The following NNT variants were observed in gnomAD, a reference collection of about 807,000 sequenced individuals.
NNT encodes NAD(P) transhydrogenase, mitochondrial.
A neutral mutation model predicts 104.8 loss-of-function variants in NNT; 50 were observed. The ratio of observed to expected loss-of-function variants is 0.48; its 90% CI spans 0.38 to 0.60. The LOEUF is 0.60. Among genes scored for constraint, NNT ranks in the 20% least tolerant of loss-of-function variants. The probability of loss-of-function intolerance (pLI) is 0.00; values close to 1 mark genes in which losing one functional copy is unlikely to be tolerated. For missense variants in NNT, 1,131 were observed against 1,330.7 expected (o/e 0.85, Z 2.33); for synonymous variants, 461 against 490.4 (o/e 0.94, Z 0.79).
chr5:43,666,952 T>C, intron 17 of NNT: 1 of 1,589,352 alleles, frequency 6.3e-7, no homozygotes, highest in Non-Finnish European at 8.5e-7. Flanking sequence ...GGCAAGTGGA[T>C]CGAGCTTGCG....
intron 17 of NNT, chr5:43,667,013 C>G: frequency 6.3e-7 from 1 of 1,596,492 alleles, no homozygotes; most frequent in African/African-American, 1.3e-5. Context: ...TTTACGAGGG[C>G]CTTGATAGCC....
At chr5:43,623,474 C>G (rs973707845) in intron 5 of NNT, among the ~76,000 whole-genome samples, 2 of 152,130 alleles carry the variant, frequency 1.3e-5, no homozygotes, top group Non-Finnish European at 2.9e-5. Context: ...TTCAGACTTA[C>G]GGAGAGTTGC....
At chr5:43,613,330 T>C (rs1749602509) in intron 3 of NNT, 193 bp downstream of exon 3, 2 of 545,584 alleles carry the variant, frequency 3.7e-6, no homozygotes, top group South Asian at 2.6e-5. Flanking sequence ...ATATGATCTA[T>C]GTTTAACCAT....
intron 19 of NNT, among the ~76,000 whole-genome samples, chr5:43,694,738 TTGTGTGTGTGTG>T (rs61079918): frequency 0.013 from 1,794 of 137,894 alleles, 33 homozygotes; most frequent in African/African-American, 0.039. Flanking sequence ...GGCCTAAAGT[TTGTGTGTGTGTG>T]TGTGTGTGTG....
rs1426832212 is a variant in NNT, at chr5:43,666,927, G to A, written c.2634+7577G>A. On this transcript the variant is annotated intron_variant, in intron 17 of 21. Transcript: ENST00000344920. ...AGGCACAAACACGCTTCCCAAGCTT[G>A]GGGTGGGCAATGTAGGCAAGTGGAT... 7.0e-6 allele frequency: 11 copies of A among 1,581,270 alleles called. 1 individual carries two copies. Among genetic ancestry groups the A allele is most frequent in the Middle Eastern group, 2.3e-4 (1 of 4,422 alleles).
chr5:43,699,917 T>TA (rs1490249328), intron 19 of NNT, among the ~76,000 whole-genome samples: 1 of 152,228 alleles, frequency 6.6e-6, no homozygotes, highest in Non-Finnish European at 1.5e-5. Flanking sequence ...TTCTGCACAC[T>TA]AAAATACTGA....
At chr5:43,653,946 C>A (rs957656424) in intron 14 of NNT, among the ~76,000 whole-genome samples, 1 of 148,750 alleles carries the variant, frequency 6.7e-6, no homozygotes, top group Admixed American at 6.7e-5. Context: ...CAAAGCGAGA[C>A]TCTGTCTCAA....
At chr5:43,676,764 G>A (rs1448522262) in intron 18 of NNT, among the ~76,000 whole-genome samples, 1 of 152,122 alleles carries the variant, frequency 6.6e-6, no homozygotes. Context: ...GTAATGCAAG[G>A]TGGGTTATGA....
intron 10 of NNT, among the ~76,000 whole-genome samples, chr5:43,646,187 T>C (rs780072074): frequency 1.2e-4 from 18 of 152,178 alleles, no homozygotes; most frequent in South Asian, 2.1e-4. Context: ...CTGTGCTAAA[T>C]ACTGGAATGA....
chr5:43,649,716 C>A (rs912136391), intron 11 of NNT, among the ~76,000 whole-genome samples: 3 of 152,104 alleles, frequency 2.0e-5, no homozygotes, highest in African/African-American at 7.2e-5. Context: ...ACAATAGGCC[C>A]CATGTGGCAT....
intron 13 of NNT, among the ~76,000 whole-genome samples, 190 bp from the exon 14 acceptor site, chr5:43,652,828 G>C (rs917133352): frequency 4.6e-5 from 7 of 151,936 alleles, no homozygotes; most frequent in African/African-American, 7.3e-5. Flanking sequence ...TTTAAATTTA[G>C]GTACTTTTAT....
In NNT at chr5:43,615,940, C is replaced by T; in HGVS notation, c.474C>T (p.Ala158=). Residue 158 remains alanine, a synonymous_variant, in exon 4 of 22, where the codon GCC becomes GCT. Transcript: ENST00000344920. The part of the protein sequence containing the change: ...SGTLISFIYP[A]QNPELLNKLS... ...CGCTGATTAGTTTTATTTACCCAGC[C>T]CAAAATCCAGAGTTGCTAAATAAAC... 6.2e-7 allele frequency: 1 copy of T among 1,614,084 alleles called. No homozygotes were observed. Among genetic ancestry groups the T allele is most frequent in the Non-Finnish European group, 8.5e-7 (1 of 1,180,006 alleles).
At chr5:43,693,556 A>G (rs1445605070) in intron 19 of NNT, among the ~76,000 whole-genome samples, 3 of 152,244 alleles carry the variant, frequency 2.0e-5, no homozygotes, top group Non-Finnish European at 4.4e-5. Flanking sequence ...TATAGCTTGT[A>G]TTACTACATG....
At chr5:43,646,892 A>G (rs536633322) in intron 10 of NNT, among the ~76,000 whole-genome samples, 1 of 152,340 alleles carries the variant, frequency 6.6e-6, no homozygotes, top group Admixed American at 6.5e-5. Flanking sequence ...CATCTTTACA[A>G]AAACACTAAA....
intron 19 of NNT, among the ~76,000 whole-genome samples, chr5:43,699,630 A>G (rs1337756381): frequency 6.6e-6 from 1 of 152,310 alleles, no homozygotes; most frequent in East Asian, 1.9e-4. Context: ...CGGGGATTAC[A>G]GGCATTAGCC....
At chr5:43,652,017 G>A (rs1284116513) in intron 13 of NNT, 133 bp downstream of exon 13, 1 of 958,728 alleles carries the variant, frequency 1.0e-6, no homozygotes, top group East Asian at 2.6e-5. Context: ...AATAACCCTA[G>A]AAACATCTTG....
intron 5 of NNT, among the ~76,000 whole-genome samples, 167 bp downstream of exon 5, chr5:43,619,286 G>T (rs75722600): frequency 0.068 from 10,392 of 152,018 alleles, 619 homozygotes; most frequent in African/African-American, 0.16. Flanking sequence ...GTTTAAGATT[G>T]CTAGAAAAAA....
rs760868620 is a variant in NNT, at chr5:43,619,142, C to G, written c.687+23C>G. The G allele has an allele frequency of 7.2e-6, 10 of 1,383,888 alleles. 1 individual carries two copies. Among genetic ancestry groups the G allele is most frequent in the Non-Finnish European group, 7.9e-6 (8 of 1,013,750 alleles). The allele number at this position is 1,383,888 out of a possible 1,614,324, so 85.7% of individuals were successfully genotyped here. Reference sequence around the variant, plus strand: ...AAGGTAGGTACAACTTTTAATGTTTCTTTATAATATGCATTGATTAAAGGA... The same window carrying G: ...AAGGTAGGTACAACTTTTAATGTTTGTTTATAATATGCATTGATTAAAGGA... On this transcript the variant is annotated intron_variant, in intron 5 of 21. Coordinates refer to ENST00000344920, the MANE Select transcript of NNT (RefSeq NM_182977.3).
Position 43,655,873 on chromosome 5 carries a change from A to T in NNT, c.2093A>T (p.Asp698Val), listed in dbSNP as rs1266814869. ...LTIAKRIQIS[D>V]LPQLVAAFHS... Reference sequence around the variant, plus strand: ...ATTGCCAAACGCATCCAGATTTCTGATTTACCTCAATTAGTTGCTGCTTTT... The same window carrying T: ...ATTGCCAAACGCATCCAGATTTCTGTTTTACCTCAATTAGTTGCTGCTTTT... Residue 698 changes from aspartate to valine, a missense_variant, in exon 15 of 22, where the codon GAT (aspartate) becomes GTT (valine). Physicochemically the swap from Asp to Val is radical, Grantham distance 152. Coordinates refer to ENST00000344920, the MANE Select transcript of NNT (RefSeq NM_182977.3). 6.2e-7 allele frequency: 1 copy of T among 1,614,082 alleles called. No individual in the cohort carries two copies. Among genetic ancestry groups the T allele is most frequent in the Non-Finnish European group, 8.5e-7 (1 of 1,180,048 alleles).
Sources: allele counts gnomAD v4.1 joint callset (sites outside exome capture counted in the v4.1 genomes callset), GRCh38; gene constraint gnomAD v4.1.1; transcripts MANE v1.5; gene names NCBI Gene and HGNC (gene_info 2026-07-23, HGNC 2026-07-21).